INTS5: variants seen among roughly 807,000 people sequenced by gnomAD.
INTS5 encodes the protein KIAA1698.
INTS5 carries 29 observed loss-of-function variants against 60.0 expected under a neutral mutation model. That is an observed-to-expected ratio of 0.48 (90% CI 0.36 to 0.66). The LOEUF is 0.66. INTS5 is among the 30% of genes least tolerant of loss of function. INTS5 has a pLI of 0.00. For synonymous variants in INTS5, 588 were observed against 558.8 expected, an observed-to-expected ratio of 1.05 and a Z score of -0.74; for missense variants, 1,129 against 1,307.9, an observed-to-expected ratio of 0.86 and a Z score of 2.11.
rs542883735 is a variant in INTS5 at position 62,647,812 on chromosome 11, A to T, written c.2268T>A (p.Arg756=). 1.2e-6 allele frequency: 2 copies of T among 1,614,198 alleles called. No individual in the cohort carries two copies. Among genetic ancestry groups the T allele is most frequent in the African/African-American group, 2.7e-5 (2 of 75,072 alleles). ...WSVFHAGVIG[R]GLKPPKFVQS... The stretch of plus-strand genomic sequence containing the variant: ...GGACAAACTTGGGTGGCTTTAAGCC[A>T]CGGCCGATGACTCCAGCATGGAAAA... The change falls in exon 2 of 2, where the codon CGT becomes CGA. Residue 756 remains arginine, a synonymous_variant. Transcript: ENST00000330574.
At position 62,646,980 on chromosome 11, in the gene INTS5, T is replaced by C. The variant is rs1030961116; in HGVS notation, c.*40A>G. The C allele has an allele frequency of 1.3e-6, 2 of 1,530,118 alleles. No individual in the cohort carries two copies. The highest frequency in any genetic ancestry group is 1.8e-6 in the Non-Finnish European group (2 of 1,116,418). The allele number at this position is 1,530,118 out of a possible 1,614,324, so 94.8% of individuals were successfully genotyped here. A position where few individuals can be genotyped will look rare whatever the true frequency, so the allele number is the denominator to read the frequency against. Reference sequence around the variant, plus strand: ...GGAGCACGTTAGTCCCTTCCCTCTCTCACTGCTCAACCTCCCTGGGCTTCC... The same window carrying C: ...GGAGCACGTTAGTCCCTTCCCTCTCCCACTGCTCAACCTCCCTGGGCTTCC... On this transcript the variant is annotated 3_prime_UTR_variant, in exon 2 of 2. Transcript: ENST00000330574.
rs542555325 is a variant in INTS5 at position 62,648,643 on chromosome 11, G to A, written c.1437C>T (p.Asn479=). The A allele has an allele frequency of 2.5e-6, 4 of 1,614,040 alleles. No individual in the cohort carries two copies. In the African/African-American group the frequency reaches 5.3e-5, roughly 22 times the overall value. The change falls in exon 2 of 2, where the codon AAC becomes AAT. Residue 479 remains asparagine, a synonymous_variant. Transcript: ENST00000330574. The surrounding 1 kb of genome is among the most constrained non-coding windows in gnomAD (Gnocchi z 4.4). Reference sequence around the variant, plus strand: ...TCTCTCCACACAGCTCTCCAACATGGTTTTTGAGCGCATCTAAAAAGGGCA... The same window carrying A: ...TCTCTCCACACAGCTCTCCAACATGATTTTTGAGCGCATCTAAAAAGGGCA... ...RLVPFLDALK[N]HVGELCGETL...
chr11:62,651,419 CTA>C (rs1565120832), intron 1 of INTS5, among the ~76,000 whole-genome samples: 3 of 152,088 alleles, frequency 2.0e-5, no homozygotes. Context: ...CGGCCAAAAG[CTA>C]TGTTTCTTTC....
rs148961128 is a variant in INTS5, at chr11:62,649,522, C to G, written c.558G>C (p.Thr186=). 11 of 1,614,194 alleles carry G rather than the reference C, an allele frequency of 6.8e-6. No homozygotes were observed. Among genetic ancestry groups the G allele is most frequent in the African/African-American group, 1.3e-5 (1 of 75,054 alleles). ...GCACATAGATGTCCATTAATGTACG[C>G]GTGGCCCTACAACCCATCCACAGCT... ...LLQLWMGCRA[T]RTLMDIYVQC... The change falls in exon 2 of 2, where the codon ACG becomes ACC. Residue 186 remains threonine (T), a synonymous_variant. Transcript: ENST00000330574. This position sits in a 1 kb window ranked among gnomAD's most constrained non-coding sequence, Gnocchi z 6.0.
rs771660562 is a variant in INTS5, at chr11:62,648,132, C to T, written c.1948G>A (p.Ala650Thr). The part of the protein sequence containing the change: ...SPSQLLGLVR[A>T]GVHRFFASLR... ...GAGGCAAAGAAGCGGTGCACCCCAG[C>T]CCTTACCAGTCCCAGGAGCTGGGAG... Residue 650 changes from alanine (A) to threonine (T), a missense_variant, in exon 2 of 2, where the codon GCT (alanine) becomes ACT (threonine). Transcript: ENST00000330574. The surrounding 1 kb of genome is among the most constrained non-coding windows in gnomAD (Gnocchi z 4.4). The T allele has an allele frequency of 2.5e-6, 4 of 1,613,726 alleles. No individual in the cohort carries two copies. The highest frequency in any genetic ancestry group is 3.4e-6 in the Non-Finnish European group (4 of 1,179,682).
In INTS5 at chr11:62,647,298, G is replaced by A. The variant is rs767654720; in HGVS notation, c.2782C>T (p.His928Tyr). ...GGTGCCAGTTGGCTAAATACTTCAT[G>A]CATATTACCCAGGGCCGGAGGCAGG... Reference protein sequence around the residue: ...SLLPPALGNMHEVFSQLAPFE... With the variant: ...SLLPPALGNMYEVFSQLAPFE... The change falls in exon 2 of 2, where the codon CAT becomes TAT. Residue 928 changes from histidine to tyrosine, a missense_variant. This residue lies in a region of INTS5 where 1,070 missense variants were observed against 1,246.1 expected (regional missense o/e 0.86). Coordinates refer to ENST00000330574, the MANE Select transcript of INTS5 (RefSeq NM_030628.2). The A allele has an allele frequency of 6.2e-7, 1 of 1,614,220 alleles. No individual in the cohort carries two copies. The highest frequency in any genetic ancestry group is 1.1e-5 in the South Asian group (1 of 91,086).
In INTS5 at chr11:62,647,729, A is replaced by T; in HGVS notation, c.2351T>A (p.Val784Asp). Reference sequence around the variant, plus strand: ...GCCCCCTGGGGCACTGCAGCAGTGAACCAGGAGGCTGAGGAGGCTCTGGGT... The same window carrying T: ...GCCCCCTGGGGCACTGCAGCAGTGATCCAGGAGGCTGAGGAGGCTCTGGGT... ...YNTQSLLSLL[V>D]HCCSAPGGTE... The change falls in exon 2 of 2, where the codon GTT becomes GAT. Residue 784 changes from valine (V) to aspartate (D), a missense_variant. This residue lies in a region of INTS5 where 1,070 missense variants were observed against 1,246.1 expected (regional missense o/e 0.86). Transcript: ENST00000330574. 1 of 1,614,098 alleles carries T rather than the reference A, an allele frequency of 6.2e-7. No homozygotes were observed.
Position 62,646,954 on chromosome 11 carries a change from C to T in INTS5, c.*66G>A. Reference sequence around the variant, plus strand: ...CTTAGAAGAGAAACCTCCACCCTTCCGGAGCACGTTAGTCCCTTCCCTCTC... The same window carrying T: ...CTTAGAAGAGAAACCTCCACCCTTCTGGAGCACGTTAGTCCCTTCCCTCTC... On this transcript the variant is annotated 3_prime_UTR_variant, in exon 2 of 2. Transcript: ENST00000330574. The T allele has an allele frequency of 7.6e-7, 1 of 1,308,642 alleles. No individual in the cohort carries two copies. Among genetic ancestry groups the T allele is most frequent in the East Asian group, 2.3e-5 (1 of 43,072 alleles). 81.1% of individuals were successfully genotyped at this position (1,308,642 alleles called of 1,614,324 possible).
intron 1 of INTS5, among the ~76,000 whole-genome samples, chr11:62,651,909 C>G (rs1316425185): frequency 6.6e-6 from 1 of 152,112 alleles, no homozygotes; most frequent in Non-Finnish European, 1.5e-5. Context: ...AGTGTAGGAA[C>G]CATTTCTGTG....
rs1402286859 is a variant in INTS5, at chr11:62,648,257, G to C, written c.1823C>G (p.Ser608Cys). 1.2e-6 allele frequency: 2 copies of C among 1,613,840 alleles called. No homozygotes were observed. Among genetic ancestry groups the C allele is most frequent in the Non-Finnish European group, 1.7e-6 (2 of 1,180,034 alleles). ...ATGTAGCAGGAGAGGAGCCAGGTCA[G>C]ACAGATGGGCTGAGGCAGATTCCCC... ...HFGESASAHL[S>C]DLAPLLLHPE... Residue 608 changes from serine to cysteine, a missense_variant, in exon 2 of 2, where the codon TCT becomes TGT. Physicochemically the swap from Ser to Cys is moderately radical, Grantham distance 112 (BLOSUM62 -1). This residue lies in a region of INTS5 where 1,070 missense variants were observed against 1,246.1 expected (regional missense o/e 0.86). Transcript: ENST00000330574. This position sits in a 1 kb window ranked among gnomAD's most constrained non-coding sequence, Gnocchi z 4.4.
In INTS5 at chr11:62,648,431, A is replaced by G; in HGVS notation, c.1649T>C (p.Leu550Pro). Residue 550 changes from leucine to proline, a missense_variant, in exon 2 of 2, where the codon CTG becomes CCG. By Grantham distance (98) the Leu-to-Pro change is moderately conservative. Around this residue, in one of 3 missense-constraint regions of INTS5, gnomAD observed 1,070 missense variants for 1,246.1 expected, o/e 0.86. Coordinates refer to ENST00000330574, the MANE Select transcript of INTS5 (RefSeq NM_030628.2). The surrounding 1 kb of genome is among the most constrained non-coding windows in gnomAD (Gnocchi z 4.4). ...AGLVVSLSGL[L>P]PLAFRSCLAR... is the part of the protein sequence containing the mutation. ...CAGACAGCTTCGGAAAGCCAGGGGCAGGAGGCCAGAGAGGCTGACCACTAG... is the reference window on the plus strand; with the variant it reads ...CAGACAGCTTCGGAAAGCCAGGGGCGGGAGGCCAGAGAGGCTGACCACTAG... 2 of 1,614,220 alleles carry G rather than the reference A, an allele frequency of 1.2e-6. No homozygotes were observed. Among genetic ancestry groups the G allele is most frequent in the Non-Finnish European group, 1.7e-6 (2 of 1,180,046 alleles).
chr11:62,647,459 C>CTACT lies in INTS5; in HGVS notation c.2620_2621insAGTA (p.Cys874Ter). 6.2e-7 allele frequency: 1 copy of CTACT among 1,606,338 alleles called. No individual in the cohort carries two copies. The highest frequency in any genetic ancestry group is 1.3e-5 in the African/African-American group (1 of 74,966). On this transcript the variant is annotated stop_gained and frameshift_variant, in exon 2 of 2. Transcript: ENST00000330574. LOFTEE classifies it high-confidence loss of function. ...CAGCAGCCCCCGAAGCAGCACGGAA[C>CTACT]AGTAGCACAGGGCTGGGGGTGCAGC...
chr11:62,647,496 T>C lies in INTS5; in HGVS notation c.2584A>G (p.Lys862Glu), dbSNP rs1304268675. ...REQPLLFELL[K>E]LVAAAPPALC... is the part of the protein sequence containing the mutation. ...GCTGGGGGTGCAGCTGCTACCAGCT[T>C]TAACAGCTCAAAGAGCAGGGGCTGT... Residue 862 changes from lysine to glutamate, a missense_variant, in exon 2 of 2, where the codon AAG becomes GAG. By Grantham distance (56) the Lys-to-Glu change is moderately conservative. Around this residue, in one of 3 missense-constraint regions of INTS5, gnomAD observed 1,070 missense variants for 1,246.1 expected, o/e 0.86. Transcript: ENST00000330574. 6 of 1,608,090 alleles carry C rather than the reference T, an allele frequency of 3.7e-6. No homozygotes were observed. Among genetic ancestry groups the C allele is most frequent in the Non-Finnish European group, 5.1e-6 (6 of 1,176,402 alleles).
rs781011957 is a variant in INTS5, at chr11:62,647,783, G to A, written c.2297C>T (p.Ser766Leu). 1.2e-6 allele frequency: 2 copies of A among 1,614,208 alleles called. No homozygotes were observed. Among genetic ancestry groups the A allele is most frequent in the South Asian group, 2.2e-5 (2 of 91,086 alleles). Reference sequence around the variant, plus strand: ...ATAGATCACTTCCTGCTGATTTCGTGACTGGACAAACTTGGGTGGCTTTAA... The same window carrying A: ...ATAGATCACTTCCTGCTGATTTCGTAACTGGACAAACTTGGGTGGCTTTAA... ...RGLKPPKFVQ[S>L]RNQQEVIYNT... Residue 766 changes from serine to leucine, a missense_variant, in exon 2 of 2, where the codon TCA becomes TTA. Physicochemically the swap from Ser to Leu is moderately radical, Grantham distance 145. Around this residue, in one of 3 missense-constraint regions of INTS5, gnomAD observed 1,070 missense variants for 1,246.1 expected, o/e 0.86. Transcript: ENST00000330574.
In INTS5 at chr11:62,649,452, C is replaced by T. The variant is rs1185783649; in HGVS notation, c.628G>A (p.Asp210Asn). The change falls in exon 2 of 2, where the codon GAT becomes AAT. Residue 210 changes from aspartate (D) to asparagine (N), a missense_variant. Asp to Asn is a conservative substitution (Grantham distance 23). This residue lies in a region of INTS5 where 1,070 missense variants were observed against 1,246.1 expected (regional missense o/e 0.86). Coordinates refer to ENST00000330574, the MANE Select transcript of INTS5 (RefSeq NM_030628.2). This position sits in a 1 kb window ranked among gnomAD's most constrained non-coding sequence, Gnocchi z 6.0. The stretch of plus-strand genomic sequence containing the variant: ...TGAACAGAGGTATCCAGCAAGGCAT[C>T]CACACACGCATCTGGGCAGCTACCA... ...LIGSCPDACV[D>N]ALLDTSVQHS... The T allele has an allele frequency of 6.2e-7, 1 of 1,614,214 alleles. No homozygotes were observed. The highest frequency in any genetic ancestry group is 1.1e-5 in the South Asian group (1 of 91,086).
At chr11:62,650,126 T>C in intron 1 of INTS5, 127 bp from the exon 2 acceptor site, 1 of 769,186 alleles carries the variant, frequency 1.3e-6, no homozygotes, top group East Asian at 2.7e-5. Context: ...TAAGAGAATT[T>C]TTTTTTTTGA....
At chr11:62,651,913 T>G (rs1229066616) in intron 1 of INTS5, among the ~76,000 whole-genome samples, 1 of 152,168 alleles carries the variant, frequency 6.6e-6, no homozygotes, top group Non-Finnish European at 1.5e-5. Context: ...TAGGAACCAT[T>G]TCTGTGCTCT....
chr11:62,647,818 G>A lies in INTS5; in HGVS notation c.2262C>T (p.Ile754=), dbSNP rs374829632. The A allele has an allele frequency of 7.6e-5, 122 of 1,614,240 alleles. 1 individual carries two copies. In the South Asian group the frequency reaches 9.3e-4, roughly 12 times the overall value. The change falls in exon 2 of 2, where the codon ATC becomes ATT. Residue 754 remains isoleucine (I), a synonymous_variant. Coordinates refer to ENST00000330574, the MANE Select transcript of INTS5 (RefSeq NM_030628.2). ...ACTTGGGTGGCTTTAAGCCACGGCC[G>A]ATGACTCCAGCATGGAAAACTGACC... ...GIWSVFHAGV[I]GRGLKPPKFV...
Position 62,648,343 on chromosome 11 carries a change from T to C in INTS5, c.1737A>G (p.Ala579=). 1 of 1,613,924 alleles carries C rather than the reference T, an allele frequency of 6.2e-7. No individual in the cohort carries two copies. Among genetic ancestry groups the C allele is most frequent in the Non-Finnish European group, 8.5e-7 (1 of 1,179,970 alleles). ...PFTARFLRNL[A]LLVGWEQQGG... is the part of the protein sequence containing the mutation. ...CCTGCTGTTCCCACCCTACTAGCAG[T>C]GCCAAGTTGCGCAGGAACCGGGCCG... is the stretch of plus-strand genomic sequence containing the variant. Residue 579 remains alanine (A), a synonymous_variant, in exon 2 of 2, where the codon GCA becomes GCG. Coordinates refer to ENST00000330574, the MANE Select transcript of INTS5 (RefSeq NM_030628.2). This position sits in a 1 kb window ranked among gnomAD's most constrained non-coding sequence, Gnocchi z 4.4.
Sources: allele counts gnomAD v4.1 joint callset (sites outside exome capture counted in the v4.1 genomes callset), GRCh38; gene constraint gnomAD v4.1.1; regional missense constraint gnomAD v4.1.1; non-coding constraint Gnocchi (gnomAD v3.1); transcripts MANE v1.5; gene names NCBI Gene and HGNC (gene_info 2026-07-23, HGNC 2026-07-21).